EIF4E3: variants seen among roughly 807,000 people sequenced by gnomAD.
The protein encoded by EIF4E3 is eukaryotic translation initiation factor 4E family member 3.
A neutral mutation model predicts 31.7 loss-of-function variants in EIF4E3; 26 were observed. The observed-to-expected ratio is 0.82, with a 90% CI of 0.60 to 1.14. The LOEUF is 1.14. Among genes scored for constraint, EIF4E3 ranks in the 50% most tolerant of loss-of-function variants. The pLI, the probability that EIF4E3 is intolerant of heterozygous loss-of-function variation, is 0.00. For missense variants in EIF4E3, 304 were observed against 270.9 expected (o/e 1.12, Z -0.86); for synonymous variants, 128 against 107.7 (o/e 1.19, Z -1.17).
intron 5 of EIF4E3, 124 bp downstream of exon 5, chr3:71,693,751 G>T: frequency 1.1e-6 from 1 of 934,614 alleles, no homozygotes; most frequent in Non-Finnish European, 1.5e-6. Flanking sequence ...TAACTTTGTA[G>T]TTCCAAAATA....
At chr3:71,694,973 G>A (rs56981400) in intron 4 of EIF4E3, among the ~76,000 whole-genome samples, 2 of 152,160 alleles carry the variant, frequency 1.3e-5, no homozygotes, top group Non-Finnish European at 2.9e-5. Flanking sequence ...ATAATAGTGT[G>A]TATTATTATG....
intron 3 of EIF4E3, among the ~76,000 whole-genome samples, chr3:71,697,899 T>C (rs796072293): frequency 2.0e-5 from 3 of 152,314 alleles, no homozygotes; most frequent in African/African-American, 7.2e-5. Context: ...CTCTTCGACA[T>C]ACTGATTTCC....
At chr3:71,705,052 C>A (rs949125335) in intron 2 of EIF4E3, among the ~76,000 whole-genome samples, 3 of 152,176 alleles carry the variant, frequency 2.0e-5, no homozygotes, top group African/African-American at 7.2e-5. Flanking sequence ...GACCTGGCTG[C>A]AGGTCCTTCT....
At chr3:71,671,550 C>T (rs1305591852), downstream of EIF4E3, among the ~76,000 whole-genome samples, 1 of 152,164 alleles carries the variant, frequency 6.6e-6, no homozygotes, top group Non-Finnish European at 1.5e-5. Context: ...ATCAGAAAGA[C>T]ACTTGAAGGA....
chr3:71,749,972 G>C (rs1255171016), intron 1 of EIF4E3, among the ~76,000 whole-genome samples: 2 of 152,126 alleles, frequency 1.3e-5, no homozygotes, highest in Non-Finnish European at 2.9e-5. Flanking sequence ...GAAAGAAGTA[G>C]GCATATAAAT....
At chr3:71,724,011 T>C (rs747505939) in intron 1 of EIF4E3, among the ~76,000 whole-genome samples, 2 of 152,186 alleles carry the variant, frequency 1.3e-5, no homozygotes, top group Non-Finnish European at 2.9e-5. Context: ...ATCACTTTTT[T>C]AAAACAAAAT....
At chr3:71,705,312 A>T (rs914734203) in intron 2 of EIF4E3, among the ~76,000 whole-genome samples, 1 of 152,166 alleles carries the variant, frequency 6.6e-6, no homozygotes, top group Non-Finnish European at 1.5e-5. Flanking sequence ...TGCTGCCCTA[A>T]CTTAACTGCA....
rs78824980 is a variant in EIF4E3 at position 71,749,696 on chromosome 3, G to C, written c.-291+3767C>G. 6.1e-3 allele frequency among the ~76,000 whole-genome samples: 922 copies of C among 152,144 alleles called. 9 individuals are homozygous for C. Among genetic ancestry groups the C allele is most frequent in the African/African-American group, 0.021 (884 of 41,496 alleles). On this transcript the variant is annotated intron_variant, in intron 1 of 7. Transcript: ENST00000295612. ...AAAGAAGTGACATAAATGATTTGGG[G>C]AGTGGGGGTGGGAAATACTTTTGTT...
At chr3:71,723,660 G>A (rs1444084187) in intron 1 of EIF4E3, among the ~76,000 whole-genome samples, 1 of 152,162 alleles carries the variant, frequency 6.6e-6, no homozygotes, top group Non-Finnish European at 1.5e-5. Context: ...CCAGTCAGCA[G>A]TATTCACAAT....
At chr3:71,666,679 G>C in the EIF4E3 span, among the ~76,000 whole-genome samples, 1 of 152,236 alleles carries the variant, frequency 6.6e-6, no homozygotes, top group Non-Finnish European at 1.5e-5. Flanking sequence ...GCTCCTGCCT[G>C]TAATCCCAGC....
chr3:71,701,892 G>A (rs1045310767), intron 2 of EIF4E3, among the ~76,000 whole-genome samples: 2 of 152,302 alleles, frequency 1.3e-5, no homozygotes, highest in African/African-American at 4.8e-5. Flanking sequence ...AAAAGCTACT[G>A]TATTAACAGT....
rs931367548 is a variant in EIF4E3 at position 71,724,690 on chromosome 3, G to A, written c.176+502C>T. Among the ~76,000 whole-genome samples, 4 of 152,200 alleles carry A rather than the reference G, an allele frequency of 2.6e-5. No individual in the cohort carries two copies. The East Asian group carries it at 5.8e-4, about 22-fold the overall frequency. On this transcript the variant is annotated intron_variant, in intron 1 of 6. Transcript: ENST00000425534. ...AGAGGAGTCCACGGCAGCAGCGGCC[G>A]GACACGGGGTGGGAGCGCCCGCCGT...
chr3:71,734,531 T>C (rs887576311), intron 1 of EIF4E3, among the ~76,000 whole-genome samples: 2 of 152,194 alleles, frequency 1.3e-5, no homozygotes, highest in Admixed American at 6.5e-5. Context: ...ATGTTTTTCA[T>C]AGTTTGCAAA....
chr3:71,754,114 T>C (rs368814433), upstream of EIF4E3: 4 of 1,413,648 alleles, frequency 2.8e-6, no homozygotes, highest in Middle Eastern at 2.5e-4. The surrounding 1 kb of genome is among the most constrained non-coding windows in gnomAD (Gnocchi z 5.8). Context: ...GGCCTCAAGC[T>C]GGCCACGCTC....
downstream of EIF4E3, among the ~76,000 whole-genome samples, chr3:71,674,880 T>A (rs78735406): frequency 0.044 from 6,718 of 152,276 alleles, 168 homozygotes; most frequent in Middle Eastern, 0.075. Flanking sequence ...GGCTCAGATA[T>A]GTTGAGGGAC....
chr3:71,694,223 G>C (rs889356716), intron 4 of EIF4E3, among the ~76,000 whole-genome samples: 2 of 152,194 alleles, frequency 1.3e-5, no homozygotes, highest in African/African-American at 4.8e-5. Context: ...AGAATTTCTA[G>C]GGAAAATGCA....
chr3:71,662,663 GGGCTTCACCACCA>G, the EIF4E3 span, among the ~76,000 whole-genome samples: 1 of 152,254 alleles, frequency 6.6e-6, no homozygotes, highest in East Asian at 1.9e-4. Context: ...CATGGGGCTT[GGGCTTCACCACCA>G]GCTGCTGTAA....
rs976161741 is a variant in EIF4E3, at chr3:71,683,735, G to T, written c.*947C>A. The T allele has an allele frequency of 6.6e-6, 1 of 152,214 alleles. No homozygotes were observed. The highest frequency in any genetic ancestry group is 6.5e-5 in the Admixed American group (1 of 15,278). The allele number at this position is 152,214 out of a possible 1,614,324, so 9.4% of individuals were successfully genotyped here. On this transcript the variant is annotated 3_prime_UTR_variant, in exon 7 of 7. Coordinates refer to ENST00000425534, the MANE Select transcript of EIF4E3 (RefSeq NM_001134651.2). ...AGAAATGACACACAATGTGAGCAGG[G>T]AAAGGGATCATTTAACAAAATGTGT...
chr3:71,692,675 C>T (rs1020552984), intron 5 of EIF4E3, among the ~76,000 whole-genome samples: 26 of 151,682 alleles, frequency 1.7e-4, no homozygotes, highest in African/African-American at 6.1e-4. Context: ...CTCATTGCAG[C>T]CTCTATCTCC....
Sources: gnomAD v4.1 joint callset for allele counts (sites outside exome capture counted in the v4.1 genomes callset) on GRCh38, gnomAD v4.1.1 for gene constraint, Gnocchi (gnomAD v3.1) non-coding constraint, MANE v1.5 for transcripts, NCBI Gene and HGNC (gene_info 2026-07-23, HGNC 2026-07-21) for gene names.